MND1: variants seen among roughly 807,000 people sequenced by gnomAD.
The protein encoded by MND1 is meiotic nuclear division protein 1 homolog.
Under a neutral mutation model 35.1 loss-of-function variants are expected in MND1, and 28 were observed. The observed-to-expected ratio is 0.80, with a 90% CI of 0.59 to 1.09. The LOEUF (loss-of-function observed/expected upper bound fraction) is 1.09. MND1 is among the 50% of genes least tolerant of loss of function. MND1 has a pLI of 0.00. For synonymous variants in MND1, 69 were observed against 70.5 expected (o/e 0.98, Z 0.11); for missense variants, 213 against 239.6 (o/e 0.89, Z 0.73).
chr4:153,365,516 G>A (rs1773614967), intron 4 of MND1, among the ~76,000 whole-genome samples: 1 of 152,116 alleles, frequency 6.6e-6, no homozygotes, highest in South Asian at 2.1e-4. Flanking sequence ...TAATCCAACT[G>A]TAAAGTTACA....
At chr4:153,396,003 G>T (rs114921106) in intron 5 of MND1, among the ~76,000 whole-genome samples, 1,904 of 152,158 alleles carry the variant, frequency 0.013, 44 homozygotes, top group African/African-American at 0.044. Flanking sequence ...GGTACTACAG[G>T]CAGGCACCAC....
chr4:153,360,675 A>AAT (rs70963166), intron 4 of MND1, among the ~76,000 whole-genome samples: 1 of 146,996 alleles, frequency 6.8e-6, no homozygotes, highest in African/African-American at 2.5e-5. Flanking sequence ...TATATAAATA[A>AAT]ATAAATAAAT....
chr4:153,380,750 A>G (rs746730813), intron 4 of MND1, among the ~76,000 whole-genome samples: 3 of 152,030 alleles, frequency 2.0e-5, no homozygotes, highest in Non-Finnish European at 4.4e-5. Context: ...TAGATATATA[A>G]TTGTTGAAAT....
At chr4:153,396,176 A>G (rs554911252) in intron 5 of MND1, among the ~76,000 whole-genome samples, 21 of 152,330 alleles carry the variant, frequency 1.4e-4, no homozygotes, top group African/African-American at 5.1e-4. Context: ...ATTAGCTACA[A>G]TTAAATTTAG....
intron 1 of MND1, chr4:153,345,357 A>T (rs1773049106): frequency 1.0e-6 from 1 of 985,352 alleles, no homozygotes; most frequent in African/African-American, 1.7e-5. Flanking sequence ...CAATTAGTCG[A>T]TTTCTGTGAA....
intron 1 of MND1, among the ~76,000 whole-genome samples, chr4:153,345,028 G>A (rs1344012925): frequency 3.3e-5 from 5 of 152,240 alleles, no homozygotes; most frequent in Admixed American, 6.5e-5. Flanking sequence ...CCGTTCGGGC[G>A]GGTTAGGTTA....
Position 153,355,517 on chromosome 4 carries a change from C to A in MND1, c.70-137C>A, listed in dbSNP as rs917288415. 6 of 605,780 alleles carry A rather than the reference C, an allele frequency of 9.9e-6. No individual in the cohort carries two copies. In the Admixed American group the frequency reaches 1.2e-4, roughly 12 times the overall value. 37.5% of individuals were successfully genotyped at this position (605,780 alleles called of 1,614,324 possible). ...CAATTTCATCATAACACATTGTATA[C>A]CTATATCAAAATATCACACATACCC... On this transcript the variant is annotated intron_variant, in intron 2 of 7. Transcript: ENST00000240488.
rs528859875 is a variant in MND1 at position 153,387,956 on chromosome 4, G to A, written c.277-6306G>A. Among the ~76,000 whole-genome samples the A allele has an allele frequency of 1.5e-4, 23 of 151,478 alleles. No homozygotes were observed. In the East Asian group the frequency reaches 1.5e-3, roughly 10 times the overall value. ...TTGGCATTCTTTCCCATCTGTGACC[G>A]TCTCTATATTCCTCCCTTAATGCTT... On this transcript the variant is annotated intron_variant, in intron 4 of 7. Transcript: ENST00000240488.
intron 4 of MND1, among the ~76,000 whole-genome samples, chr4:153,374,639 ATT>A (rs897903247): frequency 2.7e-5 from 4 of 146,450 alleles, no homozygotes; most frequent in Non-Finnish European, 6.1e-5. Flanking sequence ...AGACTCTTTA[ATT>A]TTTTTTTTTT....
intron 4 of MND1, among the ~76,000 whole-genome samples, chr4:153,372,498 C>T (rs997178342): frequency 1.3e-5 from 2 of 152,060 alleles, no homozygotes; most frequent in Non-Finnish European, 2.9e-5. Flanking sequence ...CTTTTATAAC[C>T]TTTGGCATAT....
At chr4:153,359,875 C>T (rs1773438731) in intron 4 of MND1, among the ~76,000 whole-genome samples, 3 of 150,526 alleles carry the variant, frequency 2.0e-5, no homozygotes, top group Admixed American at 2.0e-4. Flanking sequence ...GTAACTTCTG[C>T]CTCCCTGGTT....
chr4:153,388,077 C>T (rs1003509412), intron 4 of MND1, among the ~76,000 whole-genome samples: 1 of 152,148 alleles, frequency 6.6e-6, no homozygotes, highest in Non-Finnish European at 1.5e-5. Flanking sequence ...TCAGTTCCTC[C>T]AGGCAATGAA....
intron 1 of MND1, among the ~76,000 whole-genome samples, chr4:153,346,500 T>C (rs1186301334): frequency 1.3e-5 from 2 of 152,238 alleles, no homozygotes; most frequent in Non-Finnish European, 2.9e-5. Context: ...AGATAAATCC[T>C]CATTGATTTT....
At chr4:153,408,912 G>GTGTGTATATATATATATA (rs936713652) in intron 6 of MND1, 59 bp from the exon 7 acceptor site, 3 of 281,220 alleles carry the variant, frequency 1.1e-5, no homozygotes, top group Non-Finnish European at 1.1e-5. Flanking sequence ...CATTTTGTGT[G>GTGTGTATATATATATATA]TATATATATA....
chr4:153,393,014 G>A (rs1729088400), intron 4 of MND1, among the ~76,000 whole-genome samples: 1 of 152,168 alleles, frequency 6.6e-6, no homozygotes, highest in South Asian at 2.1e-4. Flanking sequence ...CAGCTACTGG[G>A]AGGTAGAGGT....
intron 2 of MND1, among the ~76,000 whole-genome samples, chr4:153,352,668 G>GT (rs1773243372): frequency 6.8e-6 from 1 of 146,334 alleles, no homozygotes; most frequent in Admixed American, 7.0e-5. Flanking sequence ...GAGCCCAAGA[G>GT]TTTGAGGTTG....
Position 153,350,620 on chromosome 4 carries a change from T to G in MND1, c.69+491T>G, listed in dbSNP as rs537141158. 5.9e-5 allele frequency among the ~76,000 whole-genome samples: 9 copies of G among 152,306 alleles called. No homozygotes were observed. In the South Asian group the frequency reaches 6.2e-4, roughly 11 times the overall value. The stretch of plus-strand genomic sequence containing the variant: ...GAGGCCTTCATTTATTCCAGATATT[T>G]GTGCCTGCCATCAACAGGAAATATG... On this transcript the variant is annotated intron_variant, in intron 2 of 7. Coordinates refer to ENST00000240488, the MANE Select transcript of MND1 (RefSeq NM_032117.4).
At chr4:153,397,993 G>T (rs935806030) in intron 6 of MND1, among the ~76,000 whole-genome samples, 1 of 152,156 alleles carries the variant, frequency 6.6e-6, no homozygotes, top group African/African-American at 2.4e-5. Flanking sequence ...CTTTGATTCT[G>T]TAAAGAAATC....
chr4:153,379,106 G>T (rs1728591883), intron 4 of MND1, among the ~76,000 whole-genome samples: 1 of 151,894 alleles, frequency 6.6e-6, no homozygotes, highest in African/African-American at 2.4e-5. Flanking sequence ...GGCTAACACG[G>T]TGAAACCCCG....
Sources: allele counts gnomAD v4.1 joint callset (sites outside exome capture counted in the v4.1 genomes callset), GRCh38; gene constraint gnomAD v4.1.1; transcripts MANE v1.5; gene names NCBI Gene and HGNC (gene_info 2026-07-23, HGNC 2026-07-21).